The following PTPN3 variants were observed in gnomAD, a reference collection of about 807,000 sequenced individuals.
PTPN3 encodes tyrosine-protein phosphatase non-receptor type 3.
In PTPN3, 96 loss-of-function variants were observed where a neutral mutation model predicts 132.7. That is an observed-to-expected ratio of 0.72 (90% CI 0.61 to 0.86). PTPN3 has a LOEUF of 0.86. Ranked by LOEUF, PTPN3 falls within the 40% of genes least tolerant of loss-of-function variation. PTPN3 has a pLI of 0.00. For synonymous variants in PTPN3, 398 were observed against 429.0 expected, an observed-to-expected ratio of 0.93 and a Z score of 0.89; for missense variants, 1,125 against 1,159.6, an observed-to-expected ratio of 0.97 and a Z score of 0.43.
chr9:109,430,109 G>C (rs1416847944), intron 10 of PTPN3, among the ~76,000 whole-genome samples: 1 of 152,210 alleles, frequency 6.6e-6, no homozygotes, highest in Non-Finnish European at 1.5e-5. Flanking sequence ...TGAGAAGAGT[G>C]TCTGGGCTCA....
rs74440939 is a variant in PTPN3 at position 109,399,757 on chromosome 9, G to A, written c.1953+4691C>T. ...CAGGGCAGGTCTTTCGTGCCATGGA[G>A]TGGGTGGTGTGGACACCTGCAGTGG... On this transcript the variant is annotated intron_variant, in intron 19 of 25. Coordinates refer to ENST00000374541, the MANE Select transcript of PTPN3 (RefSeq NM_002829.4). Among the ~76,000 whole-genome samples, 879 of 152,094 alleles carry A rather than the reference G, an allele frequency of 5.8e-3. 5 individuals carry two copies. Among genetic ancestry groups the A allele is most frequent in the African/African-American group, 0.021 (851 of 41,484 alleles).
intron 7 of PTPN3, among the ~76,000 whole-genome samples, chr9:109,439,738 A>G (rs1564443755): frequency 1.3e-5 from 2 of 152,120 alleles, no homozygotes; most frequent in Non-Finnish European, 2.9e-5. Flanking sequence ...GTGAAACCCC[A>G]TCTCTAGTAT....
chr9:109,534,826 A>G, the PTPN3 span, among the ~76,000 whole-genome samples: 1 of 151,880 alleles, frequency 6.6e-6, no homozygotes, highest in African/African-American at 2.4e-5. Flanking sequence ...AAACAAACAA[A>G]CAAACAAACA....
At chr9:109,418,009 A>G (rs893688985) in intron 14 of PTPN3, among the ~76,000 whole-genome samples, 3 of 152,152 alleles carry the variant, frequency 2.0e-5, no homozygotes, top group Admixed American at 6.5e-5. Flanking sequence ...ATTTTAATGA[A>G]CTGGAATGTA....
intron 2 of PTPN3, among the ~76,000 whole-genome samples, chr9:109,458,815 G>A (rs945317957): frequency 4.6e-5 from 7 of 152,070 alleles, no homozygotes; most frequent in African/African-American, 1.4e-4. Flanking sequence ...TCCCCTTGTC[G>A]GAATTATTTA....
chr9:109,534,071 G>A, the PTPN3 span: 243 of 771,882 alleles, frequency 3.1e-4, no homozygotes, highest in Non-Finnish European at 4.6e-4. Context: ...GCAGTCTGGG[G>A]TACAAATGTA....
At chr9:109,456,023 C>A (rs1296634553) in intron 4 of PTPN3, among the ~76,000 whole-genome samples, 2 of 152,080 alleles carry the variant, frequency 1.3e-5, no homozygotes, top group African/African-American at 2.4e-5. Flanking sequence ...ACAGGTACTT[C>A]TGAACGCAGA....
the PTPN3 span, among the ~76,000 whole-genome samples, chr9:109,522,185 G>A: frequency 6.6e-6 from 1 of 152,226 alleles, no homozygotes; most frequent in African/African-American, 2.4e-5. Flanking sequence ...CCTAGACCAG[G>A]AGGGCAGCTA....
chr9:109,441,291 T>C (rs886191631), intron 7 of PTPN3, among the ~76,000 whole-genome samples: 1 of 138,468 alleles, frequency 7.2e-6, no homozygotes, highest in Admixed American at 7.3e-5. Flanking sequence ...TAATATTTTA[T>C]GTTTTGCAGC....
At chr9:109,425,586 C>G (rs910855025) in intron 12 of PTPN3, among the ~76,000 whole-genome samples, 2 of 152,050 alleles carry the variant, frequency 1.3e-5, no homozygotes, top group African/African-American at 4.8e-5. Context: ...TGGTGGGCAC[C>G]TGTAATCCCA....
chr9:109,506,901 T>G, the PTPN3 span, among the ~76,000 whole-genome samples: 1,551 of 152,322 alleles, frequency 0.01, 34 homozygotes, highest in African/African-American at 0.035. Context: ...CAGTGCCCAG[T>G]CTGAATTTTC....
chr9:109,396,364 T>C (rs1210788629), intron 19 of PTPN3, among the ~76,000 whole-genome samples: 1 of 152,178 alleles, frequency 6.6e-6, no homozygotes, highest in Non-Finnish European at 1.5e-5. Context: ...GACATGGCTT[T>C]TAAGAGAACC....
intron 25 of PTPN3, among the ~76,000 whole-genome samples, chr9:109,380,588 T>A (rs1235538182): frequency 1.3e-5 from 2 of 152,170 alleles, no homozygotes; most frequent in Non-Finnish European, 2.9e-5. Context: ...GATGATGGAC[T>A]TTTTTCTTTT....
At chr9:109,509,340 T>G in the PTPN3 span, among the ~76,000 whole-genome samples, 1 of 152,210 alleles carries the variant, frequency 6.6e-6, no homozygotes, top group African/African-American at 2.4e-5. Flanking sequence ...GTAGGGTAAA[T>G]GCATTGAGGC....
At chr9:109,462,900 C>T (rs1845916509) in intron 2 of PTPN3, among the ~76,000 whole-genome samples, 1 of 151,668 alleles carries the variant, frequency 6.6e-6, no homozygotes, top group African/African-American at 2.4e-5. Flanking sequence ...CAACATATAC[C>T]CTAATCACTA....
Position 109,449,585 on chromosome 9 carries a change from G to A in PTPN3, c.369-730C>T, listed in dbSNP as rs188302800. On this transcript the variant is annotated intron_variant, in intron 5 of 25. Coordinates refer to ENST00000374541, the MANE Select transcript of PTPN3 (RefSeq NM_002829.4). The stretch of plus-strand genomic sequence containing the variant: ...TGGGGAGCGGGGAAAGGAGGCCTTC[G>A]GCAGCATTGCGCAGGTCAGGAAGCG... The A allele has an allele frequency of 2.0e-4, 193 of 985,492 alleles. No homozygotes were observed. In the East Asian group the frequency reaches 3.0e-3, roughly 15 times the overall value. The allele number at this position is 985,492 out of a possible 1,614,324, so 61.0% of individuals were successfully genotyped here.
At chr9:109,435,433 A>G (rs1398936698) in intron 9 of PTPN3, among the ~76,000 whole-genome samples, 1 of 152,208 alleles carries the variant, frequency 6.6e-6, no homozygotes, top group Non-Finnish European at 1.5e-5. Flanking sequence ...TCACATGGAA[A>G]GATGGCCATG....
chr9:109,418,175 T>C (rs529103639), intron 14 of PTPN3, among the ~76,000 whole-genome samples: 4 of 152,118 alleles, frequency 2.6e-5, no homozygotes, highest in African/African-American at 7.2e-5. Flanking sequence ...AGCCCTGGAG[T>C]GTGGCAGCGT....
At chr9:109,408,533 C>A (rs527417944) in intron 16 of PTPN3, among the ~76,000 whole-genome samples, 156 bp from the exon 17 acceptor site, 1 of 151,962 alleles carries the variant, frequency 6.6e-6, no homozygotes, top group South Asian at 2.1e-4. Context: ...ATGACTGATT[C>A]GAATCACACG....
Sources: allele counts gnomAD v4.1 joint callset (sites outside exome capture counted in the v4.1 genomes callset), GRCh38; gene constraint gnomAD v4.1.1; transcripts MANE v1.5; gene names NCBI Gene and HGNC (gene_info 2026-07-23, HGNC 2026-07-21).